Variants in SHISA9 observed in about 807,000 individuals in gnomAD.
The protein encoded by SHISA9 is protein shisa-9.
Under a neutral mutation model 38.0 loss-of-function variants are expected in SHISA9, and 13 were observed. The ratio of observed to expected loss-of-function variants is 0.34; its 90% CI spans 0.22 to 0.54. The LOEUF (loss-of-function observed/expected upper bound fraction) is 0.54, where lower values mean the gene tolerates loss of function less well. Among genes scored for constraint, SHISA9 ranks in the 20% least tolerant of loss-of-function variants. The pLI is 0.91. For synonymous variants in SHISA9, 275 were observed against 242.0 expected (o/e 1.14, Z -1.27); for missense variants, 538 against 575.8 (o/e 0.93, Z 0.67).
the SHISA9 span, among the ~76,000 whole-genome samples, chr16:13,326,338 G>A: frequency 4.6e-3 from 707 of 152,270 alleles, 8 homozygotes; most frequent in African/African-American, 0.016. Context: ...ACACGTAAAA[G>A]TAACTATCAT....
chr16:13,108,646 A>T (rs2073949186), intron 2 of SHISA9, among the ~76,000 whole-genome samples: 1 of 152,168 alleles, frequency 6.6e-6, no homozygotes, highest in Admixed American at 6.5e-5. Context: ...CTGGGAAAAT[A>T]TTTATCATGT....
At chr16:12,996,769 C>G (rs942762157) in intron 2 of SHISA9, among the ~76,000 whole-genome samples, 6 of 152,102 alleles carry the variant, frequency 3.9e-5, no homozygotes, top group Non-Finnish European at 7.3e-5. Context: ...GTAGTTCAAA[C>G]AGAACAGCTT....
At chr16:13,299,887 T>C in the SHISA9 span, among the ~76,000 whole-genome samples, 2 of 152,114 alleles carry the variant, frequency 1.3e-5, no homozygotes, top group African/African-American at 4.8e-5. Context: ...CATTTGCAAA[T>C]GGCAGGTACT....
At chr16:13,330,080 T>C in the SHISA9 span, among the ~76,000 whole-genome samples, 5 of 152,192 alleles carry the variant, frequency 3.3e-5, no homozygotes, top group African/African-American at 9.7e-5. Flanking sequence ...GGCTAACACA[T>C]TGTAAGTTAT....
chr16:12,966,383 T>C (rs545754025), intron 2 of SHISA9, among the ~76,000 whole-genome samples: 2 of 152,144 alleles, frequency 1.3e-5, no homozygotes, highest in Non-Finnish European at 2.9e-5. Context: ...GCATCTTGTA[T>C]GACAAGAAGG....
At chr16:13,143,268 T>A (rs1472148641) in intron 2 of SHISA9, among the ~76,000 whole-genome samples, 1 of 151,980 alleles carries the variant, frequency 6.6e-6, no homozygotes, top group Non-Finnish European at 1.5e-5. Flanking sequence ...CCTTGGCCTC[T>A]CAAAGTGCTG....
At position 13,098,037 on chromosome 16, in the gene SHISA9, C is replaced by T. The variant is rs559641043; in HGVS notation, c.692-105357C>T. On this transcript the variant is annotated intron_variant, in intron 2 of 4. Coordinates refer to ENST00000558583, the MANE Select transcript of SHISA9 (RefSeq NM_001145204.3). ...TATGTATGCACAATCTTTCAACAGC[C>T]TGTTAATTTGGCACCACTGTTACCA... Among the ~76,000 whole-genome samples the T allele has an allele frequency of 2.6e-5, 4 of 152,198 alleles. No individual in the cohort carries two copies. In the East Asian group the frequency reaches 7.7e-4, roughly 29 times the overall value.
chr16:12,926,204 T>C lies in SHISA9; in HGVS notation c.691+9389T>C, dbSNP rs369096125. Among the ~76,000 whole-genome samples, 14 of 152,370 alleles carry C rather than the reference T, an allele frequency of 9.2e-5. 1 individual carries two copies. The South Asian group carries it at 2.5e-3, about 27-fold the overall frequency. On this transcript the variant is annotated intron_variant, in intron 2 of 4. Transcript: ENST00000558583. ...TATGTCTACCTGGCTTTAAACCTTATACTCTAGTTATGACCTTTCTCATGC... is the reference window on the plus strand; with the variant it reads ...TATGTCTACCTGGCTTTAAACCTTACACTCTAGTTATGACCTTTCTCATGC...
At chr16:13,089,407 T>C (rs1322494146) in intron 2 of SHISA9, among the ~76,000 whole-genome samples, 1 of 152,224 alleles carries the variant, frequency 6.6e-6, no homozygotes. Flanking sequence ...TCTGGTAGAA[T>C]TCGGCTGTGA....
chr16:12,984,989 C>T (rs2072288060), intron 2 of SHISA9, among the ~76,000 whole-genome samples: 1 of 152,116 alleles, frequency 6.6e-6, no homozygotes, highest in South Asian at 2.1e-4. Flanking sequence ...TGAAATTGTC[C>T]CTTGCTCAGT....
chr16:13,213,660 A>G (rs7197051), intron 4 of SHISA9, among the ~76,000 whole-genome samples: 37,930 of 152,086 alleles, frequency 0.25, 5,654 homozygotes, highest in African/African-American at 0.41. Context: ...GGGCGGGGGA[A>G]GAACACAGCT....
chr16:13,113,264 G>T (rs1367295041), intron 2 of SHISA9, among the ~76,000 whole-genome samples: 1 of 149,028 alleles, frequency 6.7e-6, no homozygotes, highest in Non-Finnish European at 1.5e-5. Context: ...TTCAGGCCTA[G>T]ACTGACCTAA....
At chr16:13,373,517 C>T in the SHISA9 span, among the ~76,000 whole-genome samples, 1 of 152,174 alleles carries the variant, frequency 6.6e-6, no homozygotes, top group Non-Finnish European at 1.5e-5. Context: ...AATCCCAGCA[C>T]TTTGGGAGGC....
intron 2 of SHISA9, among the ~76,000 whole-genome samples, chr16:13,117,558 G>C (rs1296601322): frequency 6.6e-6 from 1 of 152,116 alleles, no homozygotes; most frequent in Non-Finnish European, 1.5e-5. Flanking sequence ...GCTAGCAATT[G>C]TTCTAGAACA....
chr16:13,260,130 C>T, the SHISA9 span, among the ~76,000 whole-genome samples: 1 of 146,494 alleles, frequency 6.8e-6, no homozygotes, highest in African/African-American at 2.5e-5. Context: ...CATTCTCCTG[C>T]CTCAGCCTGC....
the SHISA9 span, among the ~76,000 whole-genome samples, chr16:13,427,203 C>T: frequency 6.6e-6 from 1 of 152,190 alleles, no homozygotes; most frequent in Non-Finnish European, 1.5e-5. Context: ...TTTGTACAAA[C>T]TCATCAGCCA....
At chr16:13,222,644 G>T (rs966102177) in intron 4 of SHISA9, among the ~76,000 whole-genome samples, 1 of 152,052 alleles carries the variant, frequency 6.6e-6, no homozygotes, top group Non-Finnish European at 1.5e-5. Context: ...AATCTGATCT[G>T]GGAGATAAGA....
At chr16:13,427,462 A>G in the SHISA9 span, among the ~76,000 whole-genome samples, 27,331 of 152,232 alleles carry the variant, frequency 0.18, 3,166 homozygotes, top group East Asian at 0.37. Context: ...AACAAAAATT[A>G]AAGCTCAAAA....
At chr16:13,097,955 A>T (rs563109440) in intron 2 of SHISA9, among the ~76,000 whole-genome samples, 2 of 152,308 alleles carry the variant, frequency 1.3e-5, no homozygotes, top group South Asian at 4.1e-4. Flanking sequence ...TACTAATGAG[A>T]ATACAGTCAA....
Sources: allele counts gnomAD v4.1 joint callset (sites outside exome capture counted in the v4.1 genomes callset), GRCh38; gene constraint gnomAD v4.1.1; transcripts MANE v1.5; gene names NCBI Gene and HGNC (gene_info 2026-07-23, HGNC 2026-07-21).